MADD: variants seen among roughly 807,000 people sequenced by gnomAD.
MADD encodes the protein MAP kinase activating death domain.
Under a neutral mutation model 176.7 loss-of-function variants are expected in MADD, and 109 were observed. The observed-to-expected ratio is 0.62, with a 90% CI of 0.53 to 0.72. MADD has a LOEUF of 0.72. Among genes scored for constraint, MADD ranks in the 30% least tolerant of loss-of-function variants. The pLI is 0.00. For missense variants in MADD, 1,914 were observed against 2,045.5 expected, an observed-to-expected ratio of 0.94 and a Z score of 1.24; for synonymous variants, 771 against 771.3, an observed-to-expected ratio of 1.00 and a Z score of 0.01.
chr11:47,311,963 A>G (rs1487813644), intron 26 of MADD, 121 bp downstream of exon 29: 1 of 628,990 alleles, frequency 1.6e-6, no homozygotes, highest in Admixed American at 2.6e-5. Context: ...TAAATGAGGC[A>G]TTAGTCCCTG....
At chr11:47,295,788 A>C in intron 21 of MADD, 109 bp from the exon 24 acceptor site, 1 of 1,524,886 alleles carries the variant, frequency 6.6e-7, no homozygotes. Context: ...GCTATCTGAC[A>C]CACTTTTGAA....
intron 27 of MADD, among the ~76,000 whole-genome samples, chr11:47,320,080 T>G (rs1446909536): frequency 6.6e-6 from 1 of 151,972 alleles, no homozygotes; most frequent in Non-Finnish European, 1.5e-5. Flanking sequence ...TTTTTTTTTT[T>G]TTCTTTAATG....
rs374366101 is a variant in MADD, at chr11:47,285,043, C to T, written c.2260C>T (p.Arg754Cys). ...CATTGGCAAATCGAACGTGGACAGACGTCAGGCAGAAATTGGAGAGGGGTC... is the reference window on the plus strand; with the variant it reads ...CATTGGCAAATCGAACGTGGACAGATGTCAGGCAGAAATTGGAGAGGGGTC... The change falls in exon 13 of 33, where the codon CGT becomes TGT. Residue 754 changes from arginine (R) to cysteine (C), a missense_variant. Physicochemically the swap from Arg to Cys is radical, Grantham distance 180. Around this residue, in one of 2 missense-constraint regions of MADD, gnomAD observed 1,767 missense variants for 1,836.0 expected, o/e 0.96. Coordinates refer to ENST00000402192, the Ensembl canonical transcript of MADD. 2.0e-5 allele frequency: 33 copies of T among 1,613,984 alleles called. No homozygotes were observed. Among genetic ancestry groups the T allele is most frequent in the South Asian group, 2.0e-4 (18 of 91,084 alleles).
At chr11:47,327,173 C>T in intron 31 of MADD, 1 of 1,032,468 alleles carries the variant, frequency 9.7e-7, no homozygotes, top group Non-Finnish European at 1.2e-6. Flanking sequence ...CTGCTGCAAT[C>T]TCTCTAGCAG....
chr11:47,282,340 A>G (rs750522982), intron 8 of MADD, 41 bp from the exon 9 acceptor site: 1 of 1,548,986 alleles, frequency 6.5e-7, no homozygotes, highest in East Asian at 2.2e-5. Context: ...GGGAATCCTT[A>G]CCCTATGGGT....
At chr11:47,317,059 T>C (rs2093286644) in intron 27 of MADD, among the ~76,000 whole-genome samples, 2 of 152,230 alleles carry the variant, frequency 1.3e-5, no homozygotes, top group Non-Finnish European at 2.9e-5. Flanking sequence ...TTCTCCTTTC[T>C]TTCAGAAAGA....
At chr11:47,302,216 T>G (rs1482594019) in intron 22 of MADD, among the ~76,000 whole-genome samples, 2 of 151,996 alleles carry the variant, frequency 1.3e-5, no homozygotes, top group Admixed American at 1.3e-4. Flanking sequence ...TCTTTTTAGG[T>G]TTTTTTTGTG....
intron 22 of MADD, among the ~76,000 whole-genome samples, chr11:47,305,198 G>A (rs2081618657): frequency 3.3e-5 from 5 of 152,130 alleles, no homozygotes; most frequent in Admixed American, 3.3e-4. Context: ...GACTGACATG[G>A]CCTACAAGCA....
At chr11:47,313,777 TGA>T (rs2091416515) in intron 26 of MADD, among the ~76,000 whole-genome samples, 1 of 150,796 alleles carries the variant, frequency 6.6e-6, no homozygotes, top group South Asian at 2.1e-4. Flanking sequence ...TGTTTGTTTT[TGA>T]GACGGAGTCT....
At position 47,289,404 on chromosome 11, in the gene MADD, G is replaced by A. The variant is rs748375040; in HGVS notation, c.2667G>A (p.Ala889=). The A allele has an allele frequency of 6.8e-6, 11 of 1,613,896 alleles. No homozygotes were observed. The East Asian group carries it at 8.9e-5, about 13-fold the overall frequency. ...TCCCTGCCACAGGAAACAGGAGGGC[G>A]TTAGTGGATCAGAAGTCATCTGTCA... The change falls in exon 16 of 33, where the codon GCG becomes GCA. Residue 889 remains alanine, a synonymous_variant. Coordinates refer to ENST00000402192, the Ensembl canonical transcript of MADD.
At chr11:47,310,215 T>A (rs1303268452) in intron 25 of MADD, among the ~76,000 whole-genome samples, 1 of 151,354 alleles carries the variant, frequency 6.6e-6, no homozygotes, top group African/African-American at 2.4e-5. Context: ...AGAGTCACAC[T>A]CTGTCACCCA....
At chr11:47,304,182 A>G (rs574219507) in intron 22 of MADD, among the ~76,000 whole-genome samples, 5 of 149,882 alleles carry the variant, frequency 3.3e-5, no homozygotes, top group Non-Finnish European at 5.9e-5. Context: ...ATATAGAGTC[A>G]TTCTTCTGCT....
At chr11:47,324,890 C>T (rs1246204853) in intron 30 of MADD, 2 of 606,180 alleles carry the variant, frequency 3.3e-6, no homozygotes, top group East Asian at 5.5e-5. Flanking sequence ...CCTTCCCCTG[C>T]AGTGTCTCTG....
At chr11:47,320,914 C>G (rs1021749855) in intron 27 of MADD, among the ~76,000 whole-genome samples, 1 of 152,080 alleles carries the variant, frequency 6.6e-6, no homozygotes, top group Non-Finnish European at 1.5e-5. Flanking sequence ...GAGCAAAACC[C>G]TGTCTCAAAA....
intron 22 of MADD, among the ~76,000 whole-genome samples, chr11:47,306,200 T>G (rs903364048): frequency 1.3e-5 from 2 of 151,972 alleles, no homozygotes; most frequent in Non-Finnish European, 2.9e-5. Context: ...GAGGGGTAGG[T>G]GGAGTGGCTC....
rs959595273 is a variant in MADD at position 47,287,847 on chromosome 11, G to A, written c.2653+1313G>A. Reference sequence around the variant, plus strand: ...GCTCTGTTGCCCAGGCTGGAGTGCAGTGGTGCAATCTTGCCTCACTGCAAG... The same window carrying A: ...GCTCTGTTGCCCAGGCTGGAGTGCAATGGTGCAATCTTGCCTCACTGCAAG... On this transcript the variant is annotated intron_variant, in intron 15 of 32. Coordinates refer to ENST00000402192, the Ensembl canonical transcript of MADD. 9.7e-5 allele frequency among the ~76,000 whole-genome samples: 13 copies of A among 134,484 alleles called. 1 individual carries two copies. The South Asian group carries it at 3.1e-3, about 32-fold the overall frequency. 88.2% of individuals were successfully genotyped at this position (134,484 alleles called of 152,430 possible). A position where few individuals can be genotyped will look rare whatever the true frequency, so the allele number is the denominator to read the frequency against.
intron 25 of MADD, 32 bp from the exon 29 acceptor site, chr11:47,311,700 C>G (rs2089437919): frequency 7.6e-7 from 1 of 1,321,692 alleles, no homozygotes; most frequent in African/African-American, 1.4e-5. Flanking sequence ...GAGAGCAGAT[C>G]CCTTGTTAAG....
At chr11:47,309,354 G>A (rs896761642) in exon 24 of MADD, 4 of 1,614,208 alleles carry the variant, frequency 2.5e-6, no homozygotes, top group Non-Finnish European at 3.4e-6. Context: ...TGATGTTGGA[G>A]AGAGAAGGGA....
chr11:47,281,479 G>A (rs1389529602), intron 7 of MADD, 96 bp from the exon 8 acceptor site: 5 of 971,630 alleles, frequency 5.1e-6, no homozygotes, highest in East Asian at 2.7e-5. Flanking sequence ...GAGAATACGA[G>A]GTAGCAGACC....
Sources: gnomAD v4.1 joint callset for allele counts (sites outside exome capture counted in the v4.1 genomes callset) on GRCh38, gnomAD v4.1.1 for gene constraint, gnomAD v4.1.1 regional missense constraint, MANE v1.5 for transcripts, NCBI Gene and HGNC (gene_info 2026-07-23, HGNC 2026-07-21) for gene names.